Variants in SLIT3 observed in about 807,000 individuals in gnomAD.
SLIT3 encodes slit homolog 3 protein.
A neutral mutation model predicts 184.0 loss-of-function variants in SLIT3; 68 were observed. The observed-to-expected ratio is 0.37, with a 90% CI of 0.30 to 0.45. SLIT3 has a LOEUF of 0.45. Among genes scored for constraint, SLIT3 ranks in the 20% least tolerant of loss-of-function variants. The probability of loss-of-function intolerance (pLI) is 1.00; values close to 1 mark genes in which losing one functional copy is unlikely to be tolerated. For synonymous variants in SLIT3, 831 were observed against 828.6 expected, an observed-to-expected ratio of 1.00 and a Z score of -0.05; for missense variants, 1,707 against 2,026.0, an observed-to-expected ratio of 0.84 and a Z score of 3.02.
intron 20 of SLIT3, among the ~76,000 whole-genome samples, chr5:168,746,684 T>TGTGGTG (rs1407065222): frequency 1.4e-5 from 1 of 71,786 alleles, no homozygotes; most frequent in Admixed American, 1.5e-4. Flanking sequence ...TATGGTGGTG[T>TGTGGTG]GTGGTGGTGT....
chr5:168,868,747 C>CAAAAAAAAAAAA (rs375837097), intron 5 of SLIT3, among the ~76,000 whole-genome samples: 4 of 69,140 alleles, frequency 5.8e-5, no homozygotes, highest in Non-Finnish European at 1.2e-4. Flanking sequence ...GAATCTGCCT[C>CAAAAAAAAAAAA]AAAAAAAAAA....
intron 12 of SLIT3, among the ~76,000 whole-genome samples, chr5:168,774,760 TTGAC>T (rs1755685529): frequency 6.6e-6 from 1 of 152,240 alleles, no homozygotes; most frequent in African/African-American, 2.4e-5. Flanking sequence ...AGAGCTTTAG[TTGAC>T]TGACTACGGG....
chr5:168,907,942 G>GTGTA (rs1299941739), intron 4 of SLIT3, among the ~76,000 whole-genome samples: 2 of 53,538 alleles, frequency 3.7e-5, no homozygotes, highest in African/African-American at 1.4e-4. Context: ...TATATTATAC[G>GTGTA]TGTATATATA....
At chr5:169,097,230 G>A (rs1376642154) in intron 4 of SLIT3, among the ~76,000 whole-genome samples, 3 of 152,188 alleles carry the variant, frequency 2.0e-5, no homozygotes, top group African/African-American at 7.2e-5. Flanking sequence ...CCAAGAAGTT[G>A]TAACTTAAAA....
rs139788865 is a variant in SLIT3, at chr5:169,204,006, G to A, written c.342-10456C>T. Among the ~76,000 whole-genome samples, 355 of 152,246 alleles carry A rather than the reference G, an allele frequency of 2.3e-3. 2 individuals are homozygous for A. The highest frequency in any genetic ancestry group is 8.3e-3 in the African/African-American group (344 of 41,534). On this transcript the variant is annotated intron_variant, in intron 3 of 35. Coordinates refer to ENST00000519560, the MANE Select transcript of SLIT3 (RefSeq NM_003062.4). ...AGACCAAGATAGAGAGATGTAGGTG[G>A]TAATTTAAAGCCATGAACTTGGATG...
At chr5:168,943,846 A>G (rs1405149049) in intron 4 of SLIT3, among the ~76,000 whole-genome samples, 1 of 152,256 alleles carries the variant, frequency 6.6e-6, no homozygotes, top group Non-Finnish European at 1.5e-5. Context: ...GACAGTAACT[A>G]CAATGGCATT....
intron 4 of SLIT3, among the ~76,000 whole-genome samples, chr5:169,058,103 A>G (rs1758066443): frequency 1.3e-5 from 2 of 152,240 alleles, no homozygotes; most frequent in African/African-American, 4.8e-5. Context: ...GCTATTGCAG[A>G]TGCAGGGACT....
intron 4 of SLIT3, among the ~76,000 whole-genome samples, chr5:169,192,177 T>C (rs1763575213): frequency 6.6e-6 from 1 of 152,140 alleles, no homozygotes; most frequent in Non-Finnish European, 1.5e-5. Context: ...TCCGCCCCCA[T>C]GCCCATCCAG....
At chr5:169,211,340 A>G (rs1046131211) in intron 3 of SLIT3, among the ~76,000 whole-genome samples, 1 of 152,240 alleles carries the variant, frequency 6.6e-6, no homozygotes, top group Admixed American at 6.5e-5. Flanking sequence ...TTCCATGAGC[A>G]GCTAGAGTGA....
chr5:168,670,118 T>C (rs894093882), intron 34 of SLIT3, 127 bp from the exon 35 acceptor site: 6 of 736,610 alleles, frequency 8.1e-6, no homozygotes, highest in Non-Finnish European at 1.4e-5. Context: ...TTTCTCTGTT[T>C]CCTAGGCTGA....
intron 4 of SLIT3, among the ~76,000 whole-genome samples, chr5:168,946,720 G>A (rs754434350): frequency 2.0e-5 from 3 of 152,050 alleles, no homozygotes; most frequent in Non-Finnish European, 4.4e-5. Context: ...TTTCGACACC[G>A]GACACACGCT....
chr5:168,960,028 G>T (rs1178212405), intron 4 of SLIT3, among the ~76,000 whole-genome samples: 1 of 152,212 alleles, frequency 6.6e-6, no homozygotes, highest in Non-Finnish European at 1.5e-5. Flanking sequence ...GGGCAGGCAG[G>T]CTCCAGAGTC....
At chr5:169,113,267 C>T (rs1409048963) in intron 4 of SLIT3, among the ~76,000 whole-genome samples, 6 of 152,182 alleles carry the variant, frequency 3.9e-5, no homozygotes, top group African/African-American at 1.2e-4. Context: ...ATTCCACTTT[C>T]TGCTCCTATG....
intron 14 of SLIT3, among the ~76,000 whole-genome samples, chr5:168,771,987 T>A (rs1328837500): frequency 8.7e-6 from 1 of 115,556 alleles, no homozygotes; most frequent in Non-Finnish European, 1.8e-5. Flanking sequence ...AGTTTGGTGA[T>A]TTTTTTTCCA....
At chr5:169,243,016 GA>G (rs2113576238) in intron 3 of SLIT3, among the ~76,000 whole-genome samples, 1 of 152,166 alleles carries the variant, frequency 6.6e-6, no homozygotes, top group African/African-American at 2.4e-5. Context: ...AAGTGGCTTT[GA>G]ATCTTGGCTC....
intron 4 of SLIT3, among the ~76,000 whole-genome samples, chr5:169,009,234 C>A (rs747875533): frequency 6.6e-6 from 1 of 152,148 alleles, no homozygotes; most frequent in Non-Finnish European, 1.5e-5. Context: ...ACATCCATGT[C>A]CTCCCCTGCA....
intron 4 of SLIT3, among the ~76,000 whole-genome samples, chr5:168,970,576 G>A (rs1484209949): frequency 6.6e-6 from 1 of 151,960 alleles, no homozygotes. Flanking sequence ...ACAGTTCCAA[G>A]GCAGATTTGT....
chr5:169,161,426 C>T (rs1338878502), intron 4 of SLIT3, among the ~76,000 whole-genome samples: 1 of 152,332 alleles, frequency 6.6e-6, no homozygotes, highest in East Asian at 1.9e-4. Flanking sequence ...ACTCCTGAGG[C>T]CCTCCATGGG....
intron 4 of SLIT3, among the ~76,000 whole-genome samples, chr5:169,168,179 G>T (rs1001316082): frequency 2.0e-5 from 3 of 152,066 alleles, no homozygotes; most frequent in East Asian, 1.9e-4. Context: ...TCTAAGCACG[G>T]GTCAGCCCCT....
Sources: gnomAD v4.1 joint callset for allele counts (sites outside exome capture counted in the v4.1 genomes callset) on GRCh38, gnomAD v4.1.1 for gene constraint, MANE v1.5 for transcripts, NCBI Gene and HGNC (gene_info 2026-07-23, HGNC 2026-07-21) for gene names.